PDC: variants seen among roughly 807,000 people sequenced by gnomAD.
PDC encodes the protein 33 kDa phototransducing protein.
Under a neutral mutation model 22.2 loss-of-function variants are expected in PDC, and 19 were observed. That is an observed-to-expected ratio of 0.86 (90% CI 0.60 to 1.26). PDC has a LOEUF of 1.26. Among genes scored for constraint, PDC ranks in the 50% most tolerant of loss-of-function variants. The pLI, the probability that PDC is intolerant of heterozygous loss-of-function variation, is 0.00. For synonymous variants in PDC, 97 were observed against 96.2 expected (o/e 1.01, Z -0.05); for missense variants, 274 against 286.8 (o/e 0.96, Z 0.32).
chr1:186,454,532 A>G (rs1268217845), intron 1 of PDC, among the ~76,000 whole-genome samples: 1 of 152,232 alleles, frequency 6.6e-6, no homozygotes, highest in Non-Finnish European at 1.5e-5. Context: ...GAAGGTCAGT[A>G]TAAAAGACAT....
intron 1 of PDC, among the ~76,000 whole-genome samples, chr1:186,455,403 C>A (rs1258484634): frequency 6.6e-6 from 1 of 152,118 alleles, no homozygotes; most frequent in East Asian, 1.9e-4. Context: ...TAATTCAGTT[C>A]ATAGCTCCTG....
chr1:186,448,817 G>A lies in PDC; in HGVS notation c.61+582C>T, dbSNP rs114553038. 1,035 of 183,666 alleles carry A rather than the reference G, an allele frequency of 5.6e-3. 14 individuals carry two copies. The highest frequency in any genetic ancestry group is 0.022 in the African/African-American group (921 of 42,078). 11.4% of individuals were successfully genotyped at this position (183,666 alleles called of 1,614,324 possible). A position where few individuals can be genotyped will look rare whatever the true frequency, so the allele number is the denominator to read the frequency against. On this transcript the variant is annotated intron_variant, in intron 2 of 3. Transcript: ENST00000391997. ...AGAGAGGAAATTACCATTCAAATAA[G>A]ATTTAGTAGAGTTAAATGTGAATTT...
At position 186,443,851 on chromosome 1, in the gene PDC, C is replaced by G. The variant is rs577454693; in HGVS notation, c.*128G>C. 2 of 679,334 alleles carry G rather than the reference C, an allele frequency of 2.9e-6. No homozygotes were observed. Among genetic ancestry groups the G allele is most frequent in the East Asian group, 5.0e-5 (2 of 40,106 alleles). The allele number at this position is 679,334 out of a possible 1,614,324, so 42.1% of individuals were successfully genotyped here. On this transcript the variant is annotated 3_prime_UTR_variant, in exon 4 of 4. Coordinates refer to ENST00000391997, the MANE Select transcript of PDC (RefSeq NM_002597.5). ...AGAAATGCTAATAACTCGATTGTTGCATCAGTCATTTTTGTCAAGTTAGCA... is the reference window on the plus strand; with the variant it reads ...AGAAATGCTAATAACTCGATTGTTGGATCAGTCATTTTTGTCAAGTTAGCA...
In PDC at chr1:186,461,113, C is replaced by G. The variant is rs1452591140; in HGVS notation, c.-79G>C. 4 of 154,764 alleles carry G rather than the reference C, an allele frequency of 2.6e-5. No individual in the cohort carries two copies. 9.6% of individuals were successfully genotyped at this position (154,764 alleles called of 1,614,324 possible). ...TTGAGTGGGTGAGAATCCCTGTCTA[C>G]TGAACTCGTCTTGAACTTCAATAGG... On this transcript the variant is annotated 5_prime_UTR_variant, in exon 1 of 4. Coordinates refer to ENST00000391997, the MANE Select transcript of PDC (RefSeq NM_002597.5).
intron 3 of PDC, among the ~76,000 whole-genome samples, chr1:186,445,568 C>T (rs999256182): frequency 6.6e-5 from 10 of 152,046 alleles, no homozygotes; most frequent in Non-Finnish European, 1.2e-4. Flanking sequence ...CCTGTAATCC[C>T]AGCACTTTGG....
intron 3 of PDC, among the ~76,000 whole-genome samples, chr1:186,444,817 C>G (rs1347887994): frequency 6.6e-6 from 1 of 152,112 alleles, no homozygotes; most frequent in Admixed American, 6.6e-5. Context: ...CCAAAAAATT[C>G]AAGTAAGACA....
chr1:186,449,304 C>T (rs1213610730), intron 2 of PDC, 95 bp downstream of exon 2: 2 of 582,108 alleles, frequency 3.4e-6, no homozygotes, highest in Admixed American at 6.0e-5. Flanking sequence ...AAAGATATTA[C>T]TTAAAGTACA....
At chr1:186,458,043 C>G (rs1662503598) in intron 1 of PDC, among the ~76,000 whole-genome samples, 1 of 151,828 alleles carries the variant, frequency 6.6e-6, no homozygotes, top group Non-Finnish European at 1.5e-5. Context: ...TTGTAGGGAG[C>G]CTTTTAAACA....
intron 1 of PDC, among the ~76,000 whole-genome samples, chr1:186,453,994 AT>A (rs1387953589): frequency 5.9e-5 from 9 of 152,004 alleles, no homozygotes; most frequent in Non-Finnish European, 5.9e-5. Context: ...AGCCGACCTA[AT>A]TTTTTTGTAT....
intron 1 of PDC, among the ~76,000 whole-genome samples, chr1:186,454,098 G>A (rs187380873): frequency 8.9e-4 from 134 of 151,104 alleles, no homozygotes; most frequent in African/African-American, 3.0e-3. Context: ...ATATATTTTC[G>A]CTTTGGATTA....
chr1:186,445,836 A>C (rs867636507), intron 3 of PDC, among the ~76,000 whole-genome samples: 21 of 152,248 alleles, frequency 1.4e-4, no homozygotes, highest in African/African-American at 4.8e-4. Context: ...GTCCCAATTT[A>C]GTTTTAATCC....
At chr1:186,456,868 T>C (rs980053696) in intron 1 of PDC, among the ~76,000 whole-genome samples, 1 of 152,200 alleles carries the variant, frequency 6.6e-6, no homozygotes, top group African/African-American at 2.4e-5. Context: ...TTATCTATCT[T>C]GAAGGCACTA....
intron 1 of PDC, among the ~76,000 whole-genome samples, chr1:186,450,328 AT>A (rs995637876): frequency 3.9e-4 from 57 of 147,530 alleles, no homozygotes; most frequent in Middle Eastern, 3.5e-3. Context: ...AGCCTATAGT[AT>A]TTTTTTTTTT....
In PDC at chr1:186,444,449, G is replaced by GGT; in HGVS notation, c.270_271insAC (p.Arg91ThrfsTer16). 1 of 1,611,724 alleles carries GGT rather than the reference G, an allele frequency of 6.2e-7. No individual in the cohort carries two copies. The stretch of plus-strand genomic sequence containing the variant: ...TGCATACACTGTCTACGGTATTTAC[G>GGT]AAGGCAGTTTTCATCCTCTTTCTCT... On this transcript the variant is annotated frameshift_variant, in exon 4 of 4. Coordinates refer to ENST00000391997, the MANE Select transcript of PDC (RefSeq NM_002597.5). LOFTEE classifies it high-confidence loss of function.
At chr1:186,457,312 C>G (rs769725921) in intron 1 of PDC, among the ~76,000 whole-genome samples, 1 of 152,136 alleles carries the variant, frequency 6.6e-6, no homozygotes, top group Non-Finnish European at 1.5e-5. Flanking sequence ...TTTGACAACA[C>G]CATGTCAGAT....
intron 1 of PDC, among the ~76,000 whole-genome samples, chr1:186,458,226 C>CTT (rs1157926478): frequency 0.01 from 912 of 88,316 alleles, 51 homozygotes; most frequent in African/African-American, 0.015. Context: ...TACAGATATT[C>CTT]TTTTTTTTTT....
At chr1:186,459,968 TATC>T (rs1246622451) in intron 1 of PDC, among the ~76,000 whole-genome samples, 1 of 149,900 alleles carries the variant, frequency 6.7e-6, no homozygotes, top group Non-Finnish European at 1.5e-5. Flanking sequence ...ATTTAAGAAA[TATC>T]AACAAACTCT....
At chr1:186,459,750 G>GTATATATA (rs1558134643) in intron 1 of PDC, among the ~76,000 whole-genome samples, 2 of 68,558 alleles carry the variant, frequency 2.9e-5, no homozygotes, top group Admixed American at 1.9e-4. Context: ...ATGTGTGTGT[G>GTATATATA]TGTATATATA....
At chr1:186,454,381 G>A (rs1662416546) in intron 1 of PDC, among the ~76,000 whole-genome samples, 1 of 151,960 alleles carries the variant, frequency 6.6e-6, no homozygotes, top group Non-Finnish European at 1.5e-5. Flanking sequence ...GTTTCACCAT[G>A]TTGGCCAGGC....
Sources: gnomAD v4.1 joint callset for allele counts (sites outside exome capture counted in the v4.1 genomes callset) on GRCh38, gnomAD v4.1.1 for gene constraint, MANE v1.5 for transcripts, NCBI Gene and HGNC (gene_info 2026-07-23, HGNC 2026-07-21) for gene names.